LRRIQ1: variants seen among roughly 807,000 people sequenced by gnomAD.
LRRIQ1 encodes the protein leucine-rich repeat- and IQ domain-containing protein 1.
LRRIQ1 carries 210 observed loss-of-function variants against 211.9 expected under a neutral mutation model. The ratio of observed to expected loss-of-function variants is 0.99; its 90% CI spans 0.89 to 1.11. The LOEUF is 1.11. Among genes scored for constraint, LRRIQ1 ranks in the 50% most tolerant of loss-of-function variants. LRRIQ1 has a pLI of 0.00. For synonymous variants in LRRIQ1, 699 were observed against 650.1 expected, an observed-to-expected ratio of 1.08 and a Z score of -1.14; for missense variants, 2,136 against 1,939.5, an observed-to-expected ratio of 1.10 and a Z score of -1.90.
intron 24 of LRRIQ1, among the ~76,000 whole-genome samples, chr12:85,200,135 C>G (rs1197015048): frequency 1.3e-5 from 2 of 151,930 alleles, no homozygotes; most frequent in Non-Finnish European, 2.9e-5. Context: ...TGTGTCATCT[C>G]TGATTTCTGA....
At chr12:85,229,723 G>A (rs1593000970) in intron 25 of LRRIQ1, 74 bp downstream of exon 25, 1 of 1,474,986 alleles carries the variant, frequency 6.8e-7, no homozygotes, top group East Asian at 2.3e-5. Flanking sequence ...GGTTAATTGT[G>A]CTAAAACAAA....
chr12:85,125,570 C>T (rs1416633701), intron 17 of LRRIQ1, among the ~76,000 whole-genome samples: 2 of 152,108 alleles, frequency 1.3e-5, no homozygotes, highest in Non-Finnish European at 2.9e-5. Context: ...CAGTAACTAG[C>T]AAATCTTGCT....
chr12:85,198,811 A>G (rs764494000), intron 24 of LRRIQ1, among the ~76,000 whole-genome samples: 1 of 152,006 alleles, frequency 6.6e-6, no homozygotes, highest in East Asian at 1.9e-4. Context: ...CTCGTGATCC[A>G]CCCGCCTTGG....
intron 7 of LRRIQ1, among the ~76,000 whole-genome samples, chr12:85,054,242 G>GGA (rs1880703441): frequency 6.6e-6 from 1 of 152,042 alleles, no homozygotes; most frequent in African/African-American, 2.4e-5. Context: ...TTTCCAAGGA[G>GGA]GAGAGATACA....
chr12:85,257,444 A>G (rs938574758), intron 1 of LRRIQ1, among the ~76,000 whole-genome samples: 1 of 150,976 alleles, frequency 6.6e-6, no homozygotes, highest in Admixed American at 6.7e-5. Context: ...GACTTATATG[A>G]CCTGATTTTC....
intron 24 of LRRIQ1, among the ~76,000 whole-genome samples, chr12:85,169,241 T>A (rs1891295704): frequency 6.6e-6 from 1 of 152,156 alleles, no homozygotes; most frequent in African/African-American, 2.4e-5. Context: ...AATCTTGTAA[T>A]CTGTTTTTTG....
chr12:85,104,571 A>G (rs73180598), intron 14 of LRRIQ1, among the ~76,000 whole-genome samples: 5,500 of 151,804 alleles, frequency 0.036, 183 homozygotes, highest in Admixed American at 0.093. Flanking sequence ...CTTTTTTTCT[A>G]CAACTTTCTT....
intron 1 of LRRIQ1, among the ~76,000 whole-genome samples, chr12:85,254,146 C>T (rs1393949543): frequency 6.6e-6 from 1 of 152,042 alleles, no homozygotes; most frequent in Non-Finnish European, 1.5e-5. Context: ...TCTGCTCCCC[C>T]TTTACCTTTG....
chr12:85,200,189 G>A (rs964050581), intron 24 of LRRIQ1, among the ~76,000 whole-genome samples: 1 of 152,068 alleles, frequency 6.6e-6, no homozygotes, highest in African/African-American at 2.4e-5. Context: ...TCACCTCCCT[G>A]TTTAGCTGTA....
intron 13 of LRRIQ1, among the ~76,000 whole-genome samples, 183 bp downstream of exon 13, chr12:85,099,177 C>T (rs367683217): frequency 1.3e-5 from 2 of 151,862 alleles, no homozygotes; most frequent in African/African-American, 4.8e-5. Context: ...GAATTATTGG[C>T]ATACCCTAAA....
chr12:85,128,120 A>G, intron 18 of LRRIQ1, 87 bp downstream of exon 18: 1 of 976,614 alleles, frequency 1.0e-6, no homozygotes, highest in Non-Finnish European at 1.6e-6. Flanking sequence ...TAACCTCCAA[A>G]TCTCAGTGAT....
chr12:85,102,959 A>ATATAT (rs1555207753), intron 13 of LRRIQ1, among the ~76,000 whole-genome samples: 34 of 108,466 alleles, frequency 3.1e-4, no homozygotes, highest in African/African-American at 5.4e-4. Flanking sequence ...AAAAAAAAAA[A>ATATAT]ATATATATAT....
Position 85,127,823 on chromosome 12 carries a change from T to C in LRRIQ1, c.4008-9T>C, listed in dbSNP as rs1441815001. On this transcript the variant is annotated splice_polypyrimidine_tract_variant and intron_variant, in intron 17 of 26. Transcript: ENST00000393217. ...AAAAAGTGTGTGTTTTTTTTTCTCC[T>C]CTTAATAGTATGGCAGCTGTGGTAA... 1.9e-6 allele frequency: 3 copies of C among 1,611,978 alleles called. No individual in the cohort carries two copies. Among genetic ancestry groups the C allele is most frequent in the Non-Finnish European group, 2.5e-6 (3 of 1,178,944 alleles).
intron 24 of LRRIQ1, among the ~76,000 whole-genome samples, chr12:85,209,915 A>G (rs1174430248): frequency 1.3e-5 from 2 of 152,076 alleles, no homozygotes; most frequent in African/African-American, 4.8e-5. Context: ...AGCCCATGGT[A>G]TTTCCACTTC....
chr12:85,172,727 A>G (rs762957758), intron 24 of LRRIQ1, among the ~76,000 whole-genome samples: 1 of 152,162 alleles, frequency 6.6e-6, no homozygotes, highest in Non-Finnish European at 1.5e-5. Context: ...TAAACCAGCA[A>G]TGGGAAAATA....
intron 24 of LRRIQ1, among the ~76,000 whole-genome samples, chr12:85,172,732 A>T (rs1891476884): frequency 6.6e-6 from 1 of 152,150 alleles, no homozygotes; most frequent in East Asian, 1.9e-4. Context: ...CAGCAATGGG[A>T]AAATATGAGA....
At chr12:85,228,948 A>G (rs1894801480) in intron 24 of LRRIQ1, among the ~76,000 whole-genome samples, 1 of 152,192 alleles carries the variant, frequency 6.6e-6, no homozygotes, top group Non-Finnish European at 1.5e-5. Flanking sequence ...AACAAGCCCT[A>G]AACCAAAAAT....
Position 85,055,856 on chromosome 12 carries a change from G to A in LRRIQ1, c.1063G>A (p.Glu355Lys). 1 of 1,581,466 alleles carries A rather than the reference G, an allele frequency of 6.3e-7. No individual in the cohort carries two copies. Among genetic ancestry groups the A allele is most frequent in the Non-Finnish European group, 8.6e-7 (1 of 1,165,878 alleles). The stretch of plus-strand genomic sequence containing the variant: ...AGAAGAGAGAAAAAAGCAAAAGGAA[G>A]AGGAAAGGAAAAGGAGAGAAAAAGA... ...IKEERKKQKE[E>K]ERKRREKEYE... Residue 355 changes from glutamate to lysine, a missense_variant, in exon 8 of 27, where the codon GAG becomes AAG. Coordinates refer to ENST00000393217, the MANE Select transcript of LRRIQ1 (RefSeq NM_001079910.2).
intron 15 of LRRIQ1, among the ~76,000 whole-genome samples, chr12:85,109,766 A>G (rs938762253): frequency 2.0e-5 from 3 of 152,012 alleles, no homozygotes; most frequent in Non-Finnish European, 4.4e-5. Flanking sequence ...AAGTTTGAAA[A>G]CCACCATTTT....
Sources: gnomAD v4.1 joint callset for allele counts (sites outside exome capture counted in the v4.1 genomes callset) on GRCh38, gnomAD v4.1.1 for gene constraint, MANE v1.5 for transcripts, NCBI Gene and HGNC (gene_info 2026-07-23, HGNC 2026-07-21) for gene names.